PLPP6: variants seen among roughly 807,000 people sequenced by gnomAD.
PLPP6 encodes phospholipid phosphatase 6.
A neutral mutation model predicts 16.5 loss-of-function variants in PLPP6; 16 were observed. The ratio of observed to expected loss-of-function variants is 0.97; its 90% CI spans 0.66 to 1.47. The LOEUF (loss-of-function observed/expected upper bound fraction) is 1.47. Ranked by LOEUF, PLPP6 falls within the 40% of genes most tolerant of loss-of-function variation. The pLI, the probability that PLPP6 is intolerant of heterozygous loss-of-function variation, is 0.00. For synonymous variants in PLPP6, 226 were observed against 188.1 expected, an observed-to-expected ratio of 1.20 and a Z score of -1.65; for missense variants, 512 against 396.6, an observed-to-expected ratio of 1.29 and a Z score of -2.47.
In PLPP6 at chr9:4,662,343, G is replaced by C. The variant is rs922160414; in HGVS notation, c.-33G>C. 17 of 1,476,732 alleles carry C rather than the reference G, an allele frequency of 1.2e-5. 1 individual carries two copies. The Middle Eastern group carries it at 1.7e-3, about 148-fold the overall frequency. 91.5% of individuals were successfully genotyped at this position (1,476,732 alleles called of 1,614,324 possible). A position where few individuals can be genotyped will look rare whatever the true frequency, so the allele number is the denominator to read the frequency against. On this transcript the variant is annotated 5_prime_UTR_variant, in exon 1 of 1. Coordinates refer to ENST00000381883, the MANE Select transcript of PLPP6 (RefSeq NM_203453.5). This position sits in a 1 kb window ranked among gnomAD's most constrained non-coding sequence, Gnocchi z 4.9. ...GGGCCGGGAAGCCTCTGTTTGGTCCGGCCAGGTCCCGGGATCCGGGCCGCC... is the reference window on the plus strand; with the variant it reads ...GGGCCGGGAAGCCTCTGTTTGGTCCCGCCAGGTCCCGGGATCCGGGCCGCC...
At position 4,665,032 on chromosome 9, in the gene PLPP6, A is replaced by C. The variant is rs567422512; in HGVS notation, c.*1769A>C. The stretch of plus-strand genomic sequence containing the variant: ...TCTTGCAGTGTCCACAAATCTGAAT[A>C]TTAGGGGCATGAAATTAGGCTTACC... On this transcript the variant is annotated 3_prime_UTR_variant, in exon 1 of 1. Coordinates refer to ENST00000381883, the MANE Select transcript of PLPP6 (RefSeq NM_203453.5). 1 of 167,232 alleles carries C rather than the reference A, an allele frequency of 6.0e-6. No homozygotes were observed. The highest frequency in any genetic ancestry group is 1.5e-5 in the Non-Finnish European group (1 of 68,106). The allele number at this position is 167,232 out of a possible 1,614,324, so 10.4% of individuals were successfully genotyped here.
At position 4,662,828 on chromosome 9, in the gene PLPP6, C is replaced by G; in HGVS notation, c.453C>G (p.Leu151=). 1 of 1,605,220 alleles carries G rather than the reference C, an allele frequency of 6.2e-7. No homozygotes were observed. Among genetic ancestry groups the G allele is most frequent in the Non-Finnish European group, 8.5e-7 (1 of 1,179,954 alleles). The change falls in exon 1 of 1, where the codon CTC becomes CTG. Residue 151 remains leucine, a synonymous_variant. Coordinates refer to ENST00000381883, the MANE Select transcript of PLPP6 (RefSeq NM_203453.5). The surrounding 1 kb of genome is among the most constrained non-coding windows in gnomAD (Gnocchi z 4.9). ...GHGIPWLLGT[L]YCLCRSDSWA... ...GCATCCCCTGGCTGCTGGGCACCCT[C>G]TACTGCCTGTGCAGGAGCGACAGCT... is the stretch of plus-strand genomic sequence containing the variant.
In PLPP6 at chr9:4,662,531, C is replaced by A; in HGVS notation, c.156C>A (p.Asp52Glu). Residue 52 changes from aspartate (D) to glutamate (E), a missense_variant, in exon 1 of 1, where the codon GAC becomes GAA. Coordinates refer to ENST00000381883, the MANE Select transcript of PLPP6 (RefSeq NM_203453.5). The surrounding 1 kb of genome is among the most constrained non-coding windows in gnomAD (Gnocchi z 4.9). Reference sequence around the variant, plus strand: ...TCAGCAGCCGCGCCACGGCCGTGGACCCCACCTGCGCCCGGCTCCGTGCAT... The same window carrying A: ...TCAGCAGCCGCGCCACGGCCGTGGAACCCACCTGCGCCCGGCTCCGTGCAT... Reference protein sequence around the residue: ...SLLSSRATAVDPTCARLRASE... With the variant: ...SLLSSRATAVEPTCARLRASE... 6.4e-7 allele frequency: 1 copy of A among 1,567,236 alleles called. No homozygotes were observed. Among genetic ancestry groups the A allele is most frequent in the Admixed American group, 1.8e-5 (1 of 55,514 alleles).
In PLPP6 at chr9:4,664,451, T is replaced by C. The variant is rs1014037265; in HGVS notation, c.*1188T>C. On this transcript the variant is annotated 3_prime_UTR_variant, in exon 1 of 1. Coordinates refer to ENST00000381883, the MANE Select transcript of PLPP6 (RefSeq NM_203453.5). ...GTCTGCTGCTATACCAGGCACAAGA[T>C]AAAACTCCAAAATTTCTGTTTACAT... 3.0e-5 allele frequency: 5 copies of C among 167,038 alleles called. No homozygotes were observed. The highest frequency in any genetic ancestry group is 1.2e-4 in the African/African-American group (5 of 41,466). The allele number at this position is 167,038 out of a possible 1,614,324, so 10.3% of individuals were successfully genotyped here. A position where few individuals can be genotyped will look rare whatever the true frequency, so the allele number is the denominator to read the frequency against.
rs781269951 is a variant in PLPP6 at position 4,663,313 on chromosome 9, G to A, written c.*50G>A. On this transcript the variant is annotated 3_prime_UTR_variant, in exon 1 of 1. Transcript: ENST00000381883. ...AGGAAGTCTGAAGGTTTCCACATTC[G>A]ATGATGTCAACCTAAACCAGCAGCC... The A allele has an allele frequency of 1.5e-5, 24 of 1,563,436 alleles. 1 individual carries two copies. Among genetic ancestry groups the A allele is most frequent in the South Asian group, 5.9e-5 (5 of 84,360 alleles).
rs1441899462 is a variant in PLPP6 at position 4,664,507 on chromosome 9, G to T, written c.*1244G>T. On this transcript the variant is annotated 3_prime_UTR_variant, in exon 1 of 1. Transcript: ENST00000381883. ...TTTACATTTAAAGCTGTTCATCCAT[G>T]GTGCCTCCCCAAATCATAAGACCAA... The T allele has an allele frequency of 1.2e-5, 2 of 166,974 alleles. No individual in the cohort carries two copies. The highest frequency in any genetic ancestry group is 4.8e-5 in the African/African-American group (2 of 41,384). The allele number at this position is 166,974 out of a possible 1,614,324, so 10.3% of individuals were successfully genotyped here. A position where few individuals can be genotyped will look rare whatever the true frequency, so the allele number is the denominator to read the frequency against.
rs760841863 is a variant in PLPP6, at chr9:4,662,410, C to G, written c.35C>G (p.Pro12Arg). Residue 12 changes from proline to arginine, a missense_variant, in exon 1 of 1, where the codon CCG (proline) becomes CGG (arginine). Physicochemically the swap from Pro to Arg is moderately radical, Grantham distance 103. Transcript: ENST00000381883. The surrounding 1 kb of genome is among the most constrained non-coding windows in gnomAD (Gnocchi z 4.9). The stretch of plus-strand genomic sequence containing the variant: ...CCCCGGAGGAGCATGGAGGGACGGC[C>G]GCTGGGCGTCTCCGCTTCGAGCAGC... ...PSPRRSMEGR[P>R]LGVSASSSSS... The G allele has an allele frequency of 2.6e-6, 4 of 1,536,326 alleles. No homozygotes were observed. Among genetic ancestry groups the G allele is most frequent in the Non-Finnish European group, 3.5e-6 (4 of 1,149,396 alleles).
chr9:4,662,416 G>C lies in PLPP6; in HGVS notation c.41G>C (p.Gly14Ala). The C allele has an allele frequency of 6.5e-7, 1 of 1,537,808 alleles. No homozygotes were observed. Residue 14 changes from glycine to alanine, a missense_variant, in exon 1 of 1, where the codon GGC becomes GCC. Coordinates refer to ENST00000381883, the MANE Select transcript of PLPP6 (RefSeq NM_203453.5). This position sits in a 1 kb window ranked among gnomAD's most constrained non-coding sequence, Gnocchi z 4.9. The stretch of plus-strand genomic sequence containing the variant: ...AGGAGCATGGAGGGACGGCCGCTGG[G>C]CGTCTCCGCTTCGAGCAGCAGCAGC... ...PRRSMEGRPL[G>A]VSASSSSSSP...
chr9:4,663,038 G>A lies in PLPP6; in HGVS notation c.663G>A (p.Met221Ile), dbSNP rs774674267. 4.3e-6 allele frequency: 7 copies of A among 1,613,774 alleles called. No individual in the cohort carries two copies. Among genetic ancestry groups the A allele is most frequent in the African/African-American group, 2.7e-5 (2 of 74,900 alleles). The change falls in exon 1 of 1, where the codon ATG becomes ATA. Residue 221 changes from methionine (M) to isoleucine (I), a missense_variant. Physicochemically the swap from Met to Ile is conservative, Grantham distance 10. Transcript: ENST00000381883. Reference sequence around the variant, plus strand: ...GCCATGCCACAAGGGCCGCCCTGATGTCGAGGTTCATCCTGAACCACCTGG... The same window carrying A: ...GCCATGCCACAAGGGCCGCCCTGATATCGAGGTTCATCCTGAACCACCTGG... ...PSGHATRAAL[M>I]SRFILNHLVL...
In PLPP6 at chr9:4,662,954, C is replaced by T. The variant is rs764381545; in HGVS notation, c.579C>T (p.Ala193=). Residue 193 remains alanine (A), a synonymous_variant, in exon 1 of 1, where the codon GCC becomes GCT. Coordinates refer to ENST00000381883, the MANE Select transcript of PLPP6 (RefSeq NM_203453.5). This position sits in a 1 kb window ranked among gnomAD's most constrained non-coding sequence, Gnocchi z 4.9. The part of the protein sequence containing the change: ...IKGLVRRRRP[A]HNQMDMFVTL... The stretch of plus-strand genomic sequence containing the variant: ...GGCTGGTCCGCAGGCGCCGCCCGGC[C>T]CACAACCAGATGGACATGTTTGTCA... 6.2e-7 allele frequency: 1 copy of T among 1,612,496 alleles called. No homozygotes were observed. Among genetic ancestry groups the T allele is most frequent in the Non-Finnish European group, 8.5e-7 (1 of 1,179,942 alleles).
rs1840578588 is a variant in PLPP6 at position 4,664,580 on chromosome 9, A to G, written c.*1317A>G. 6.0e-6 allele frequency: 1 copy of G among 167,100 alleles called. No individual in the cohort carries two copies. Among genetic ancestry groups the G allele is most frequent in the South Asian group, 2.1e-4 (1 of 4,824 alleles). The allele number at this position is 167,100 out of a possible 1,614,324, so 10.4% of individuals were successfully genotyped here. On this transcript the variant is annotated 3_prime_UTR_variant, in exon 1 of 1. Transcript: ENST00000381883. Reference sequence around the variant, plus strand: ...CTCTGCTCATTATTCTTTGACCCAGAAAGACTGGAGAAGGTATGTGCTTTA... The same window carrying G: ...CTCTGCTCATTATTCTTTGACCCAGGAAGACTGGAGAAGGTATGTGCTTTA...
rs771006321 is a variant in PLPP6 at position 4,663,248 on chromosome 9, G to A, written c.873G>A (p.Leu291=). 1 of 1,613,350 alleles carries A rather than the reference G, an allele frequency of 6.2e-7. No individual in the cohort carries two copies. The highest frequency in any genetic ancestry group is 1.7e-5 in the Admixed American group (1 of 59,990). The change falls in exon 1 of 1, where the codon CTG becomes CTA. Residue 291 remains leucine, a synonymous_variant. Coordinates refer to ENST00000381883, the MANE Select transcript of PLPP6 (RefSeq NM_203453.5). ...ATAATGCTCCGGTCCTCTTTTTACTGTGGAGTCAACGATGACACCATCTCA... is the reference window on the plus strand; with the variant it reads ...ATAATGCTCCGGTCCTCTTTTTACTATGGAGTCAACGATGACACCATCTCA... ...SPHNAPVLFL[L]WSQR
Position 4,662,557 on chromosome 9 carries a change from C to T in PLPP6, c.182C>T (p.Ser61Leu). The T allele has an allele frequency of 3.8e-6, 6 of 1,579,102 alleles. No homozygotes were observed. The highest frequency in any genetic ancestry group is 1.1e-5 in the South Asian group (1 of 88,410). ...VDPTCARLRASESPVHRRGSF... is the reference protein window; with the variant it reads ...VDPTCARLRALESPVHRRGSF... ...CCCACCTGCGCCCGGCTCCGTGCAT[C>T]GGAGAGCCCAGTTCACCGCCGCGGC... The change falls in exon 1 of 1, where the codon TCG becomes TTG. Residue 61 changes from serine to leucine, a missense_variant. By Grantham distance (145) the Ser-to-Leu change is moderately radical (BLOSUM62 -2). Transcript: ENST00000381883. The surrounding 1 kb of genome is among the most constrained non-coding windows in gnomAD (Gnocchi z 4.9).
chr9:4,662,625 C>T lies in PLPP6; in HGVS notation c.250C>T (p.Pro84Ser). 1 of 1,596,774 alleles carries T rather than the reference C, an allele frequency of 6.3e-7. No individual in the cohort carries two copies. The highest frequency in any genetic ancestry group is 1.1e-5 in the South Asian group (1 of 90,904). ...GGCGGGCCCCTCGCAGTCGCCCGCG[C>T]CTCCGCTGCCCGAGGAGGACCGCAT... ...AAAGPSQSPA[P>S]PLPEEDRMDL... The change falls in exon 1 of 1, where the codon CCT becomes TCT. Residue 84 changes from proline to serine, a missense_variant. Transcript: ENST00000381883. This position sits in a 1 kb window ranked among gnomAD's most constrained non-coding sequence, Gnocchi z 4.9.
chr9:4,662,452 G>A lies in PLPP6; in HGVS notation c.77G>A (p.Ser26Asn). ...TCGAGCAGCAGCAGCAGCCCCGGCA[G>A]CCCAGCCCATGGCGGCGGTGGCGGC... ...SASSSSSSPG[S>N]PAHGGGGGGS... is the part of the protein sequence containing the mutation. Residue 26 changes from serine (S) to asparagine (N), a missense_variant, in exon 1 of 1, where the codon AGC becomes AAC. Transcript: ENST00000381883. This position sits in a 1 kb window ranked among gnomAD's most constrained non-coding sequence, Gnocchi z 4.9. 1 of 1,546,534 alleles carries A rather than the reference G, an allele frequency of 6.5e-7. No individual in the cohort carries two copies. The highest frequency in any genetic ancestry group is 8.7e-7 in the Non-Finnish European group (1 of 1,155,070).
chr9:4,663,360 C>A lies in PLPP6; in HGVS notation c.*97C>A. The A allele has an allele frequency of 7.8e-7, 1 of 1,285,766 alleles. No individual in the cohort carries two copies. Among genetic ancestry groups the A allele is most frequent in the Non-Finnish European group, 1.1e-6 (1 of 915,742 alleles). 79.6% of individuals were successfully genotyped at this position (1,285,766 alleles called of 1,614,324 possible). A position where few individuals can be genotyped will look rare whatever the true frequency, so the allele number is the denominator to read the frequency against. Reference sequence around the variant, plus strand: ...AGCCATCCCGCTTGTCCCTCTTAGGCATTTCAGGCTTCCTTTGGGATTTCA... The same window carrying A: ...AGCCATCCCGCTTGTCCCTCTTAGGAATTTCAGGCTTCCTTTGGGATTTCA... On this transcript the variant is annotated 3_prime_UTR_variant, in exon 1 of 1. Coordinates refer to ENST00000381883, the MANE Select transcript of PLPP6 (RefSeq NM_203453.5).
chr9:4,663,001 C>G lies in PLPP6; in HGVS notation c.626C>G (p.Ser209Cys), dbSNP rs1475610998. Residue 209 changes from serine to cysteine, a missense_variant, in exon 1 of 1, where the codon TCC (serine) becomes TGC (cysteine). By Grantham distance (112) the Ser-to-Cys change is moderately radical (BLOSUM62 -1). Coordinates refer to ENST00000381883, the MANE Select transcript of PLPP6 (RefSeq NM_203453.5). ...MFVTLSVDKY[S>C]FPSGHATRAA... Reference sequence around the variant, plus strand: ...GTCACTCTCTCGGTGGACAAGTACTCCTTCCCCTCGGGCCATGCCACAAGG... The same window carrying G: ...GTCACTCTCTCGGTGGACAAGTACTGCTTCCCCTCGGGCCATGCCACAAGG... 3 of 1,613,324 alleles carry G rather than the reference C, an allele frequency of 1.9e-6. No individual in the cohort carries two copies. Among genetic ancestry groups the G allele is most frequent in the Non-Finnish European group, 2.5e-6 (3 of 1,179,934 alleles).
In PLPP6 at chr9:4,662,445, C is replaced by G; in HGVS notation, c.70C>G (p.Pro24Ala). Residue 24 changes from proline to alanine, a missense_variant, in exon 1 of 1, where the codon CCC becomes GCC. By Grantham distance (27) the Pro-to-Ala change is conservative. Coordinates refer to ENST00000381883, the MANE Select transcript of PLPP6 (RefSeq NM_203453.5). The surrounding 1 kb of genome is among the most constrained non-coding windows in gnomAD (Gnocchi z 4.9). Reference protein sequence around the residue: ...GVSASSSSSSPGSPAHGGGGG... With the variant: ...GVSASSSSSSAGSPAHGGGGG... The stretch of plus-strand genomic sequence containing the variant: ...CTCCGCTTCGAGCAGCAGCAGCAGC[C>G]CCGGCAGCCCAGCCCATGGCGGCGG... 3 of 1,544,976 alleles carry G rather than the reference C, an allele frequency of 1.9e-6. No homozygotes were observed. The highest frequency in any genetic ancestry group is 2.6e-6 in the Non-Finnish European group (3 of 1,154,124).
At position 4,663,119 on chromosome 9, in the gene PLPP6, AT is replaced by A. The variant is rs754592718; in HGVS notation, c.745del (p.Ser249ProfsTer13). On this transcript the variant is annotated frameshift_variant, in exon 1 of 1. Transcript: ENST00000381883. LOFTEE classifies it high-confidence loss of function. ...TTCTGTGGGCCTTCGTCTTGGGCCT[AT>A]CCAGGGTCATGCTGGGGCGGCACAA... Reference protein sequence around the residue: ...VVLWAFVLGLSRVMLGRHNVT... With the variant: ...VVLWAFVLGLXRVMLGRHNVT... The A allele has an allele frequency of 8.7e-6, 14 of 1,613,920 alleles. No individual in the cohort carries two copies. Among genetic ancestry groups the A allele is most frequent in the African/African-American group, 1.3e-5 (1 of 74,876 alleles).
Sources: allele counts gnomAD v4.1 joint callset, GRCh38; gene constraint gnomAD v4.1.1; non-coding constraint Gnocchi (gnomAD v3.1); transcripts MANE v1.5; gene names NCBI Gene and HGNC (gene_info 2026-07-23, HGNC 2026-07-21).